The following DOCK3 variants were observed in gnomAD, a reference collection of about 807,000 sequenced individuals.
DOCK3 encodes dedicator of cytokinesis 3.
Under a neutral mutation model 265.6 loss-of-function variants are expected in DOCK3, and 60 were observed. The observed-to-expected ratio is 0.23, with a 90% CI of 0.18 to 0.28. The LOEUF (loss-of-function observed/expected upper bound fraction) is 0.28, where lower values mean the gene tolerates loss of function less well. Ranked by LOEUF, DOCK3 falls within the 10% of genes least tolerant of loss-of-function variation. The pLI is 1.00. For synonymous variants in DOCK3, 881 were observed against 938.0 expected (o/e 0.94, Z 1.11); for missense variants, 1,981 against 2,594.3 (o/e 0.76, Z 5.14).
At chr3:51,045,234 CT>C (rs2080723443) in intron 5 of DOCK3, among the ~76,000 whole-genome samples, 1 of 152,046 alleles carries the variant, frequency 6.6e-6, no homozygotes, top group African/African-American at 2.4e-5. Context: ...ATTACTTGAC[CT>C]AATTTTAGTA....
chr3:51,119,294 C>G (rs2083905909), intron 9 of DOCK3, among the ~76,000 whole-genome samples: 1 of 152,078 alleles, frequency 6.6e-6, no homozygotes, highest in South Asian at 2.1e-4. Flanking sequence ...ATATTGGCCC[C>G]CACTCTCTTC....
chr3:50,823,081 T>C (rs2044540230), intron 2 of DOCK3, among the ~76,000 whole-genome samples: 1 of 152,168 alleles, frequency 6.6e-6, no homozygotes, highest in Non-Finnish European at 1.5e-5. Context: ...TAAATGCCTT[T>C]GACAGATTTT....
chr3:50,792,557 T>A (rs2042535364), intron 2 of DOCK3, among the ~76,000 whole-genome samples: 1 of 152,248 alleles, frequency 6.6e-6, no homozygotes, highest in African/African-American at 2.4e-5. Flanking sequence ...TGCTTCCAGC[T>A]TTATAGATTG....
At chr3:51,199,291 A>G (rs2088542874) in intron 12 of DOCK3, among the ~76,000 whole-genome samples, 1 of 152,174 alleles carries the variant, frequency 6.6e-6, no homozygotes, top group Non-Finnish European at 1.5e-5. Context: ...TAGTCAAAGA[A>G]AGGGGTGACA....
At chr3:50,833,062 A>T (rs2045286942) in intron 2 of DOCK3, among the ~76,000 whole-genome samples, 1 of 152,154 alleles carries the variant, frequency 6.6e-6, no homozygotes, top group Non-Finnish European at 1.5e-5. Flanking sequence ...CTTTTCATGA[A>T]CTGGGCAGTT....
chr3:51,296,053 A>G lies in DOCK3; in HGVS notation c.2923-14179A>G, dbSNP rs1433538524. Among the ~76,000 whole-genome samples, 4 of 152,298 alleles carry G rather than the reference A, an allele frequency of 2.6e-5. No individual in the cohort carries two copies. In the South Asian group the frequency reaches 8.3e-4, roughly 32 times the overall value. On this transcript the variant is annotated intron_variant, in intron 27 of 52. Coordinates refer to ENST00000266037, the MANE Select transcript of DOCK3 (RefSeq NM_004947.5). ...AGATGGAGTCTCACTATGTTGCTCA[A>G]GCTAACTTGATTTTATATACAGAAA...
At chr3:50,859,516 C>T (rs1037274150) in intron 3 of DOCK3, among the ~76,000 whole-genome samples, 1 of 151,848 alleles carries the variant, frequency 6.6e-6, no homozygotes, top group Non-Finnish European at 1.5e-5. Flanking sequence ...GCGCCCGGCC[C>T]GGTGTGGTTT....
At chr3:50,749,784 A>G (rs2039672216) in intron 1 of DOCK3, among the ~76,000 whole-genome samples, 1 of 152,210 alleles carries the variant, frequency 6.6e-6, no homozygotes, top group South Asian at 2.1e-4. Context: ...GTCTTGGGCC[A>G]TTTCTACAAA....
At chr3:50,896,965 C>G in intron 4 of DOCK3, among the ~76,000 whole-genome samples, 1 of 152,040 alleles carries the variant, frequency 6.6e-6, no homozygotes, top group East Asian at 1.9e-4. Context: ...TTTGGCTATA[C>G]GGGCTCTTTT....
At chr3:51,215,152 C>T (rs372077502) in intron 14 of DOCK3, among the ~76,000 whole-genome samples, 65 of 152,262 alleles carry the variant, frequency 4.3e-4, no homozygotes, top group East Asian at 1.2e-3. Flanking sequence ...CTGTTGCCCA[C>T]GCTGGAGTGC....
intron 9 of DOCK3, among the ~76,000 whole-genome samples, chr3:51,139,532 A>G (rs762684008): frequency 2.0e-5 from 3 of 152,120 alleles, no homozygotes; most frequent in Non-Finnish European, 4.4e-5. Context: ...GGAAATGTCC[A>G]CCTTTTTTCA....
At chr3:50,978,687 T>C (rs1446231076) in intron 5 of DOCK3, among the ~76,000 whole-genome samples, 4 of 152,178 alleles carry the variant, frequency 2.6e-5, no homozygotes, top group Non-Finnish European at 4.4e-5. Flanking sequence ...TTGGAGCTTC[T>C]TGGCTGCTTT....
intron 2 of DOCK3, among the ~76,000 whole-genome samples, chr3:50,785,692 A>G (rs1190002277): frequency 1.3e-5 from 2 of 152,182 alleles, no homozygotes; most frequent in East Asian, 1.9e-4. Flanking sequence ...ATCTTTTAAT[A>G]TACTGTTGGA....
intron 1 of DOCK3, among the ~76,000 whole-genome samples, chr3:50,690,189 A>G (rs2035118306): frequency 6.7e-6 from 1 of 149,204 alleles, no homozygotes; most frequent in Admixed American, 6.7e-5. Flanking sequence ...GCTGGAGTGC[A>G]GTGATGCAGT....
chr3:51,177,197 A>G (rs2087008752), intron 12 of DOCK3, among the ~76,000 whole-genome samples: 1 of 152,236 alleles, frequency 6.6e-6, no homozygotes, highest in Non-Finnish European at 1.5e-5. Context: ...GCTAGTAATC[A>G]TAGTTTGATT....
At chr3:51,195,906 A>AT (rs911723506) in intron 12 of DOCK3, among the ~76,000 whole-genome samples, 9 of 151,588 alleles carry the variant, frequency 5.9e-5, no homozygotes, top group South Asian at 4.2e-4. Flanking sequence ...TAGCTGTCAG[A>AT]TTTTTTTTCT....
chr3:51,106,338 A>G (rs1235949964), intron 9 of DOCK3, among the ~76,000 whole-genome samples: 1 of 152,164 alleles, frequency 6.6e-6, no homozygotes, highest in Admixed American at 6.5e-5. Context: ...GTCGGCAGAG[A>G]GCTCCAGCAT....
chr3:51,065,801 A>G (rs903625275), intron 6 of DOCK3, among the ~76,000 whole-genome samples: 2 of 152,152 alleles, frequency 1.3e-5, no homozygotes, highest in Non-Finnish European at 2.9e-5. Context: ...AAAAAACTCT[A>G]CAATTCTTCT....
Position 51,193,168 on chromosome 3 carries a change from GATA to G in DOCK3, c.1038-15599_1038-15597del, listed in dbSNP as rs566994891. Among the ~76,000 whole-genome samples the G allele has an allele frequency of 4.6e-5, 7 of 152,222 alleles. No individual in the cohort carries two copies. The South Asian group carries it at 1.5e-3, about 32-fold the overall frequency. On this transcript the variant is annotated intron_variant, in intron 12 of 52. Coordinates refer to ENST00000266037, the MANE Select transcript of DOCK3 (RefSeq NM_004947.5). ...TCAAATTTTCTTCTACATTTGTCTA[GATA>G]ATAATATGATTTTTGTCCTTTATTC...
Sources: allele counts gnomAD v4.1 joint callset (sites outside exome capture counted in the v4.1 genomes callset), GRCh38; gene constraint gnomAD v4.1.1; transcripts MANE v1.5; gene names NCBI Gene and HGNC (gene_info 2026-07-23, HGNC 2026-07-21).